Variants in SMARCC1 observed in about 807,000 individuals in gnomAD.
SMARCC1 encodes the protein SWI/SNF complex subunit SMARCC1.
In SMARCC1, 43 loss-of-function variants were observed where a neutral mutation model predicts 147.4. The observed-to-expected ratio is 0.29, with a 90% confidence interval of 0.23 to 0.38. The LOEUF is 0.38. Among genes scored for constraint, SMARCC1 ranks in the 10% least tolerant of loss-of-function variants. The pLI is 1.00. For synonymous variants in SMARCC1, 495 were observed against 484.4 expected (o/e 1.02, Z -0.29); for missense variants, 1,119 against 1,381.1 (o/e 0.81, Z 3.01).
chr3:47,712,109 G>A lies in SMARCC1; in HGVS notation c.793-1301C>T, dbSNP rs562412007. Among the ~76,000 whole-genome samples, 5 of 152,286 alleles carry A rather than the reference G, an allele frequency of 3.3e-5. No homozygotes were observed. The East Asian group carries it at 9.7e-4, about 29-fold the overall frequency. On this transcript the variant is annotated intron_variant, in intron 8 of 27. Transcript: ENST00000254480. ...TTAGTTAAGGTGGTGGCACATGCCT[G>A]TAATCCCAGCTACTCGGGAGGCTGA...
intron 2 of SMARCC1, among the ~76,000 whole-genome samples, chr3:47,756,259 C>T (rs1426400743): frequency 6.6e-6 from 1 of 151,930 alleles, no homozygotes; most frequent in Non-Finnish European, 1.5e-5. Flanking sequence ...TCTGGCCAGG[C>T]GTGGTGGCTC....
intron 4 of SMARCC1, among the ~76,000 whole-genome samples, chr3:47,736,500 C>CAA (rs2034445342): frequency 7.0e-6 from 1 of 142,754 alleles, no homozygotes; most frequent in Non-Finnish European, 1.5e-5. Context: ...ACGGTGAAAC[C>CAA]CTGTCTCTAC....
At chr3:47,633,505 A>T (rs2032920165) in intron 24 of SMARCC1, among the ~76,000 whole-genome samples, 1 of 151,814 alleles carries the variant, frequency 6.6e-6, no homozygotes, top group African/African-American at 2.4e-5. Flanking sequence ...GCACTTTGGG[A>T]GGCTGAGGCA....
intron 15 of SMARCC1, 69 bp from the exon 16 acceptor site, chr3:47,678,380 C>A: frequency 3.1e-6 from 2 of 645,050 alleles, no homozygotes; most frequent in Non-Finnish European, 5.3e-6. Flanking sequence ...CTTAGAAACT[C>A]AAAAATCTTC....
intron 3 of SMARCC1, among the ~76,000 whole-genome samples, chr3:47,740,095 C>T (rs1196722202): frequency 1.3e-5 from 2 of 150,540 alleles, no homozygotes; most frequent in African/African-American, 2.4e-5. Flanking sequence ...GACTCGAACT[C>T]CTGACCTCAG....
At position 47,661,323 on chromosome 3, in the gene SMARCC1, C is replaced by A; in HGVS notation, c.2291G>T (p.Gly764Val). Residue 764 changes from glycine to valine, a missense_variant, in exon 21 of 28, where the codon GGC becomes GTC. Coordinates refer to ENST00000254480, the MANE Select transcript of SMARCC1 (RefSeq NM_003074.4). ...CTTCTCTGGCTCATCGGGCCCTGTGCCTGCAATGCAGCTGCTCTCCAGACC... is the reference window on the plus strand; with the variant it reads ...CTTCTCTGGCTCATCGGGCCCTGTGACTGCAATGCAGCTGCTCTCCAGACC... Reference protein sequence around the residue: ...TYGLESSCIAGTGPDEPEKLE... With the variant: ...TYGLESSCIAVTGPDEPEKLE... 7.4e-6 allele frequency: 12 copies of A among 1,613,132 alleles called. No individual in the cohort carries two copies. Among genetic ancestry groups the A allele is most frequent in the Non-Finnish European group, 1.0e-5 (12 of 1,179,722 alleles).
intron 4 of SMARCC1, 79 bp from the exon 5 acceptor site, chr3:47,736,205 C>G (rs1175199535): frequency 2.7e-6 from 2 of 745,458 alleles, no homozygotes; most frequent in African/African-American, 3.8e-5. Flanking sequence ...ATACAAACCA[C>G]CCCCAGATAA....
chr3:47,668,993 T>C (rs989257275), intron 19 of SMARCC1, among the ~76,000 whole-genome samples: 20 of 152,364 alleles, frequency 1.3e-4, no homozygotes, highest in Admixed American at 1.0e-3. Flanking sequence ...TAAATCCATT[T>C]AAAAATACTC....
chr3:47,661,087 T>C (rs1463173652), intron 21 of SMARCC1, among the ~76,000 whole-genome samples: 2 of 152,158 alleles, frequency 1.3e-5, no homozygotes, highest in African/African-American at 2.4e-5. Flanking sequence ...ACAACTGTAA[T>C]ACCATTAACA....
intron 25 of SMARCC1, among the ~76,000 whole-genome samples, chr3:47,611,344 A>G (rs2032561617): frequency 6.6e-6 from 1 of 152,222 alleles, no homozygotes; most frequent in Admixed American, 6.5e-5. Flanking sequence ...GCTACTGAGC[A>G]CTTGAAGTGT....
chr3:47,771,458 A>G (rs2034913167), intron 2 of SMARCC1, among the ~76,000 whole-genome samples: 1 of 152,202 alleles, frequency 6.6e-6, no homozygotes, highest in African/African-American at 2.4e-5. Context: ...GGAGTATAAG[A>G]TAGCAGAGGC....
At chr3:47,720,115 T>C (rs1437917688) in intron 7 of SMARCC1, among the ~76,000 whole-genome samples, 1 of 151,944 alleles carries the variant, frequency 6.6e-6, no homozygotes, top group East Asian at 1.9e-4. Flanking sequence ...ACATAAAAGA[T>C]ATGAGGTTTT....
chr3:47,700,992 T>C (rs188985221), intron 11 of SMARCC1, among the ~76,000 whole-genome samples: 1 of 152,322 alleles, frequency 6.6e-6, no homozygotes, highest in African/African-American at 2.4e-5. Context: ...TAGGTACGTA[T>C]TCCACTTTTT....
rs1415901480 is a variant in SMARCC1 at position 47,675,496 on chromosome 3, G to A, written c.1818C>T (p.Tyr606=). 3.1e-6 allele frequency: 5 copies of A among 1,599,894 alleles called. No homozygotes were observed. Among genetic ancestry groups the A allele is most frequent in the African/African-American group, 1.3e-5 (1 of 74,624 alleles). ...LQNFGLRTDI[Y]SKKTLAKSKG... The stretch of plus-strand genomic sequence containing the variant: ...TTACCTTTGCTAATGTTTTCTTGGA[G>A]TAAATGTCAGTACGGAGACCAAAGT... Residue 606 remains tyrosine, a synonymous_variant, in exon 18 of 28, where the codon TAC becomes TAT. Coordinates refer to ENST00000254480, the MANE Select transcript of SMARCC1 (RefSeq NM_003074.4).
At chr3:47,742,791 T>C (rs1013912656) in intron 3 of SMARCC1, among the ~76,000 whole-genome samples, 4 of 152,116 alleles carry the variant, frequency 2.6e-5, no homozygotes, top group Non-Finnish European at 5.9e-5. Context: ...CCACATTGCC[T>C]GGGCTGGGTT....
Position 47,688,665 on chromosome 3 carries a change from G to A in SMARCC1, c.1263+722C>T, listed in dbSNP as rs953278617. 2.0e-5 allele frequency among the ~76,000 whole-genome samples: 3 copies of A among 152,124 alleles called. No individual in the cohort carries two copies. In the East Asian group the frequency reaches 5.8e-4, roughly 29 times the overall value. On this transcript the variant is annotated intron_variant, in intron 13 of 27. Coordinates refer to ENST00000254480, the MANE Select transcript of SMARCC1 (RefSeq NM_003074.4). The stretch of plus-strand genomic sequence containing the variant: ...GAATTCATAAAGCAGGAAGTAGCTC[G>A]CAATAAGGCTCAAGAAAGGTCAAAG...
chr3:47,765,618 CT>C lies in SMARCC1; in HGVS notation c.315+7198del, dbSNP rs530237884. Reference sequence around the variant, plus strand: ...CAAATATATATACAACACTTACGGTCTCCTTCCTAGTCCCATGTTCCCAAAG... The same window carrying C: ...CAAATATATATACAACACTTACGGTCCCTTCCTAGTCCCATGTTCCCAAAG... On this transcript the variant is annotated intron_variant, in intron 2 of 27. Coordinates refer to ENST00000254480, the MANE Select transcript of SMARCC1 (RefSeq NM_003074.4). 1.1e-4 allele frequency among the ~76,000 whole-genome samples: 16 copies of C among 152,276 alleles called. No homozygotes were observed. The South Asian group carries it at 3.3e-3, about 32-fold the overall frequency.
At chr3:47,746,018 G>A in intron 2 of SMARCC1, 25 bp from the exon 3 acceptor site, 1 of 1,461,360 alleles carries the variant, frequency 6.8e-7, no homozygotes. Context: ...AATTACACAT[G>A]AGAAAAATAA....
intron 2 of SMARCC1, among the ~76,000 whole-genome samples, chr3:47,757,284 C>A (rs2034711591): frequency 6.6e-6 from 1 of 151,890 alleles, no homozygotes; most frequent in African/African-American, 2.4e-5. Flanking sequence ...GAGAGAAAGA[C>A]CAATGTGCAA....
Sources: allele counts gnomAD v4.1 joint callset (sites outside exome capture counted in the v4.1 genomes callset), GRCh38; gene constraint gnomAD v4.1.1; transcripts MANE v1.5; gene names NCBI Gene and HGNC (gene_info 2026-07-23, HGNC 2026-07-21).